Variants in DUXA observed in about 807,000 individuals in gnomAD.
DUXA encodes double homeobox protein A.
A neutral mutation model predicts 27.5 loss-of-function variants in DUXA; 25 were observed. The ratio of observed to expected loss-of-function variants is 0.91; its 90% CI spans 0.66 to 1.27. The LOEUF is 1.27. Ranked by LOEUF, DUXA falls within the 50% of genes most tolerant of loss-of-function variation. DUXA has a pLI of 0.00. For synonymous variants in DUXA, 90 were observed against 80.5 expected (o/e 1.12, Z -0.63); for missense variants, 247 against 242.9 (o/e 1.02, Z -0.11).
At chr19:57,165,783 CGA>C (rs1568465423) in intron 1 of DUXA, among the ~76,000 whole-genome samples, 1 of 120,120 alleles carries the variant, frequency 8.3e-6, no homozygotes, top group Non-Finnish European at 1.6e-5. Context: ...CCAGCCTGGG[CGA>C]GAGAGTGAGA....
At chr19:57,159,867 C>G (rs920716845) in intron 2 of DUXA, among the ~76,000 whole-genome samples, 1 of 151,790 alleles carries the variant, frequency 6.6e-6, no homozygotes, top group African/African-American at 2.4e-5. Context: ...CTTTGGGAAG[C>G]CGAAGCAGGC....
intron 1 of DUXA, among the ~76,000 whole-genome samples, chr19:57,164,029 AACAT>A: frequency 6.6e-6 from 1 of 152,160 alleles, no homozygotes; most frequent in Non-Finnish European, 1.5e-5. Flanking sequence ...TATCCTGGGC[AACAT>A]AGTGAGACAC....
chr19:57,155,199 C>T lies in DUXA; in HGVS notation c.544+68G>A. The T allele has an allele frequency of 3.5e-6, 5 of 1,431,550 alleles. 1 individual carries two copies. In the South Asian group the frequency reaches 5.8e-5, roughly 17 times the overall value. The allele number at this position is 1,431,550 out of a possible 1,614,324, so 88.7% of individuals were successfully genotyped here. On this transcript the variant is annotated intron_variant, in intron 5 of 5. Transcript: ENST00000554048. ...CTCCCAGGAGGAGCTGTCGGCTCCA[C>T]CATGACGAAGCACTGGACATCCAAG...
At chr19:57,159,868 C>T (rs553928803) in intron 2 of DUXA, among the ~76,000 whole-genome samples, 57 of 151,546 alleles carry the variant, frequency 3.8e-4, no homozygotes, top group African/African-American at 1.1e-3. Context: ...TTTGGGAAGC[C>T]GAAGCAGGCA....
chr19:57,154,623 G>T (rs574924416), intron 5 of DUXA, 141 bp from the exon 6 acceptor site: 3 of 592,718 alleles, frequency 5.1e-6, no homozygotes, highest in Non-Finnish European at 8.4e-6. Context: ...GAGTGCGGTG[G>T]CGCGATCTCG....
intron 1 of DUXA, among the ~76,000 whole-genome samples, chr19:57,165,323 AAATATAT>A (rs1568465254): frequency 1.1e-5 from 1 of 89,864 alleles, no homozygotes; most frequent in African/African-American, 4.0e-5. Context: ...AAAAAAAAAA[AAATATAT>A]ATATATATAT....
Position 57,159,247 on chromosome 19 carries a change from C to T in DUXA, c.212G>A (p.Gly71Glu). The T allele has an allele frequency of 6.2e-7, 1 of 1,614,086 alleles. No individual in the cohort carries two copies. The highest frequency in any genetic ancestry group is 1.1e-5 in the South Asian group (1 of 91,064). Residue 71 changes from glycine (G) to glutamate (E), a missense_variant, in exon 3 of 6, where the codon GGA becomes GAA. Coordinates refer to ENST00000554048, the MANE Select transcript of DUXA (RefSeq NM_001012729.2). ...CTCAGCTTCTGGTCTTTTCTGGAAT[C>T]CGTGCCTAGCTCTTCGATTCTGAAA... The part of the protein sequence containing the change: ...IWFQNRRARH[G>E]FQKRPEAETL...
chr19:57,156,002 G>A (rs2086991424), intron 4 of DUXA, among the ~76,000 whole-genome samples: 1 of 152,116 alleles, frequency 6.6e-6, no homozygotes, highest in African/African-American at 2.4e-5. Flanking sequence ...ATTTGTGAGA[G>A]TCTATAAGGC....
chr19:57,163,299 A>G (rs2087033844), intron 1 of DUXA, among the ~76,000 whole-genome samples: 1 of 151,576 alleles, frequency 6.6e-6, no homozygotes, highest in South Asian at 2.1e-4. Flanking sequence ...TCACTTTACC[A>G]CCATGCTTAG....
chr19:57,154,567 C>CTTTT, intron 5 of DUXA, 85 bp from the exon 6 acceptor site: 10 of 776,702 alleles, frequency 1.3e-5, no homozygotes, highest in East Asian at 3.8e-5. Context: ...CCCACCTTTT[C>CTTTT]TTTTTTTTTT....
intron 2 of DUXA, 80 bp downstream of exon 2, chr19:57,160,563 G>A: frequency 3.3e-6 from 5 of 1,522,424 alleles, no homozygotes; most frequent in Middle Eastern, 2.4e-4. Flanking sequence ...CAGCACATGG[G>A]TACATAGTAT....
At chr19:57,158,623 T>C in intron 3 of DUXA, 150 bp from the exon 4 acceptor site, 2 of 986,338 alleles carry the variant, frequency 2.0e-6, no homozygotes, top group East Asian at 2.6e-5. Context: ...CCAGGTTCCT[T>C]CCAGGTGGAA....
chr19:57,158,189 A>C, intron 4 of DUXA, 139 bp downstream of exon 4: 1 of 958,876 alleles, frequency 1.0e-6, no homozygotes, highest in Non-Finnish European at 1.6e-6. Flanking sequence ...CTGGGGGTAG[A>C]AGCCAGCAGA....
intron 4 of DUXA, among the ~76,000 whole-genome samples, chr19:57,156,377 C>G (rs2086993202): frequency 6.6e-6 from 1 of 152,176 alleles, no homozygotes; most frequent in African/African-American, 2.4e-5. Context: ...TGTACGCACA[C>G]ACTCACAAAA....
intron 1 of DUXA, among the ~76,000 whole-genome samples, chr19:57,165,276 T>C (rs2087045384): frequency 6.8e-6 from 1 of 146,876 alleles, no homozygotes; most frequent in Non-Finnish European, 1.5e-5. Flanking sequence ...AAATCCATTT[T>C]GCTTTTCCTC....
Position 57,154,187 on chromosome 19 carries a change from T to C in DUXA, c.*225A>G. ...TTATAATAGAGGCAGAGTCTTGCTA[T>C]ATGTTGTCCAGGCTGGTTTCAAACT... On this transcript the variant is annotated 3_prime_UTR_variant, in exon 6 of 6. Coordinates refer to ENST00000554048, the MANE Select transcript of DUXA (RefSeq NM_001012729.2). 1 of 483,966 alleles carries C rather than the reference T, an allele frequency of 2.1e-6. No homozygotes were observed. The highest frequency in any genetic ancestry group is 2.3e-5 in the South Asian group (1 of 43,674). The allele number at this position is 483,966 out of a possible 1,614,324, so 30.0% of individuals were successfully genotyped here.
Position 57,159,257 on chromosome 19 carries a change from C to G in DUXA, c.202G>C (p.Ala68Pro), listed in dbSNP as rs1366562989. ...GGTCTTTTCTGGAATCCGTGCCTAG[C>G]TCTTCGATTCTGAAACCAAATCTAA... ...RIQIWFQNRR[A>P]RHGFQKRPEA... Residue 68 changes from alanine to proline, a missense_variant, in exon 3 of 6, where the codon GCT becomes CCT. Physicochemically the swap from Ala to Pro is conservative, Grantham distance 27 (BLOSUM62 -1). Coordinates refer to ENST00000554048, the MANE Select transcript of DUXA (RefSeq NM_001012729.2). The G allele has an allele frequency of 6.8e-6, 11 of 1,613,772 alleles. No homozygotes were observed. In the East Asian group the frequency reaches 2.0e-4, roughly 29 times the overall value.
chr19:57,158,257 G>A, intron 4 of DUXA, 71 bp downstream of exon 4: 1 of 1,554,862 alleles, frequency 6.4e-7, no homozygotes, highest in South Asian at 1.1e-5. Flanking sequence ...AACTGCCTGA[G>A]GCCCATGTGG....
At chr19:57,159,791 CAA>C (rs1343682203) in intron 2 of DUXA, among the ~76,000 whole-genome samples, 2 of 146,320 alleles carry the variant, frequency 1.4e-5, no homozygotes, top group Non-Finnish European at 3.0e-5. Context: ...CTACTAAAAA[CAA>C]AAAAGTTAAA....
Sources: gnomAD v4.1 joint callset for allele counts (sites outside exome capture counted in the v4.1 genomes callset) on GRCh38, gnomAD v4.1.1 for gene constraint, MANE v1.5 for transcripts, NCBI Gene and HGNC (gene_info 2026-07-23, HGNC 2026-07-21) for gene names.